The following SUMF1 variants were observed in gnomAD, a reference collection of about 807,000 sequenced individuals.
The protein encoded by SUMF1 is formylglycine-generating enzyme.
SUMF1 carries 48 observed loss-of-function variants against 47.6 expected under a neutral mutation model. That is an observed-to-expected ratio of 1.01 (90% CI 0.80 to 1.28). The LOEUF (loss-of-function observed/expected upper bound fraction) is 1.28. Ranked by LOEUF, SUMF1 falls within the 50% of genes most tolerant of loss-of-function variation. The probability of loss-of-function intolerance (pLI) is 0.00; values close to 1 mark genes in which losing one functional copy is unlikely to be tolerated. For synonymous variants in SUMF1, 230 were observed against 192.1 expected, an observed-to-expected ratio of 1.20 and a Z score of -1.63; for missense variants, 571 against 485.4, an observed-to-expected ratio of 1.18 and a Z score of -1.66.
At chr3:4,079,748 C>T (rs1315344532) in intron 8 of SUMF1, among the ~76,000 whole-genome samples, 1 of 149,954 alleles carries the variant, frequency 6.7e-6, no homozygotes, top group Non-Finnish European at 1.5e-5. Flanking sequence ...AGCAACTTGT[C>T]GTATCTGGCA....
At chr3:4,350,155 C>T (rs1699462683) in intron 8 of SUMF1, among the ~76,000 whole-genome samples, 1 of 151,860 alleles carries the variant, frequency 6.6e-6, no homozygotes, top group Admixed American at 6.6e-5. Context: ...CATGCACCAC[C>T]ACGCCAGGCT....
intron 8 of SUMF1, among the ~76,000 whole-genome samples, chr3:4,332,332 G>A (rs1389280988): frequency 3.3e-5 from 5 of 152,140 alleles, no homozygotes; most frequent in Admixed American, 6.5e-5. Flanking sequence ...TTGTCAGCTA[G>A]GCAACCCTAA....
At chr3:4,208,636 A>C (rs918199009) in intron 8 of SUMF1, among the ~76,000 whole-genome samples, 7 of 152,104 alleles carry the variant, frequency 4.6e-5, no homozygotes, top group African/African-American at 1.7e-4. Context: ...ATTCTAAGAA[A>C]GAACCAAAAG....
chr3:4,288,921 A>T (rs1697688518), intron 8 of SUMF1, among the ~76,000 whole-genome samples: 1 of 152,258 alleles, frequency 6.6e-6, no homozygotes, highest in South Asian at 2.1e-4. Context: ...CTTCCTTATT[A>T]TTTACTGTTT....
chr3:4,252,375 CACA>C (rs1301144302), intron 8 of SUMF1, among the ~76,000 whole-genome samples: 4 of 143,208 alleles, frequency 2.8e-5, no homozygotes, highest in East Asian at 1.9e-4. Flanking sequence ...CACACACACA[CACA>C]CCCCACTGGC....
chr3:4,096,716 A>T (rs1434100475), intron 8 of SUMF1, among the ~76,000 whole-genome samples: 9 of 151,752 alleles, frequency 5.9e-5, no homozygotes, highest in Admixed American at 5.9e-4. Flanking sequence ...AGCAAGAAAA[A>T]CTCTGGTGGT....
At chr3:4,431,793 G>C (rs1702241033) in intron 3 of SUMF1, among the ~76,000 whole-genome samples, 1 of 152,200 alleles carries the variant, frequency 6.6e-6, no homozygotes, top group Non-Finnish European at 1.5e-5. Flanking sequence ...GCTGGCAAAA[G>C]TGATTGAGAA....
chr3:4,391,373 C>A (rs1249061037), intron 7 of SUMF1, among the ~76,000 whole-genome samples: 1 of 152,118 alleles, frequency 6.6e-6, no homozygotes, highest in Non-Finnish European at 1.5e-5. Flanking sequence ...CCCTTTTGCT[C>A]CTCTCCATTT....
At chr3:4,345,355 C>A (rs1175545334) in intron 8 of SUMF1, among the ~76,000 whole-genome samples, 3 of 152,154 alleles carry the variant, frequency 2.0e-5, no homozygotes, top group African/African-American at 7.2e-5. Flanking sequence ...ACTCTACAAG[C>A]CAGAAGACAG....
rs7628892 is a variant in SUMF1, at chr3:4,148,603, C to A, written c.1015-79858G>T. On this transcript the variant is annotated intron_variant and NMD_transcript_variant, in intron 8 of 12. Coordinates refer to the SUMF1 transcript ENST00000448413. ...CAATAAATATTTTAGCCTTTGCAAGCCATGCACTCCTTCTTACTACAACTC... is the reference window on the plus strand; with the variant it reads ...CAATAAATATTTTAGCCTTTGCAAGACATGCACTCCTTCTTACTACAACTC... Among the ~76,000 whole-genome samples, 344 of 152,244 alleles carry A rather than the reference C, an allele frequency of 2.3e-3. 2 individuals carry two copies. Among genetic ancestry groups the A allele is most frequent in the African/African-American group, 7.7e-3 (320 of 41,522 alleles).
chr3:4,198,054 G>A (rs202199413), intron 8 of SUMF1, among the ~76,000 whole-genome samples: 2 of 68,808 alleles, frequency 2.9e-5, no homozygotes, highest in African/African-American at 8.9e-5. Flanking sequence ...TTCGGAAAGA[G>A]AGATTCTTAT....
intron 8 of SUMF1, among the ~76,000 whole-genome samples, chr3:4,106,793 A>G (rs1693169907): frequency 6.6e-6 from 1 of 152,108 alleles, no homozygotes; most frequent in Non-Finnish European, 1.5e-5. Context: ...TCAAACTTGC[A>G]TTAGAAACCC....
At chr3:4,265,531 C>G (rs1159909168) in intron 8 of SUMF1, among the ~76,000 whole-genome samples, 2 of 152,158 alleles carry the variant, frequency 1.3e-5, no homozygotes, top group Non-Finnish European at 2.9e-5. Context: ...TACCTAGCTA[C>G]CCCTCAAACT....
chr3:4,179,530 T>A (rs1475914404), intron 8 of SUMF1, among the ~76,000 whole-genome samples: 1 of 152,056 alleles, frequency 6.6e-6, no homozygotes, highest in African/African-American at 2.4e-5. Context: ...TATACAAAAA[T>A]TAATTCAAGA....
intron 7 of SUMF1, among the ~76,000 whole-genome samples, chr3:4,405,185 G>GTA (rs1701336760): frequency 6.6e-6 from 1 of 152,164 alleles, no homozygotes; most frequent in Admixed American, 6.5e-5. Flanking sequence ...TGGCAAAGAA[G>GTA]TATCTGAGTG....
chr3:4,250,475 G>A (rs539427507), intron 8 of SUMF1, among the ~76,000 whole-genome samples: 1 of 152,248 alleles, frequency 6.6e-6, no homozygotes, highest in South Asian at 2.1e-4. Context: ...CTATCCAGAA[G>A]ATATAGCCAA....
intron 3 of SUMF1, among the ~76,000 whole-genome samples, chr3:4,441,182 T>A (rs922199582): frequency 1.3e-5 from 2 of 152,140 alleles, no homozygotes; most frequent in African/African-American, 4.8e-5. Flanking sequence ...TCCTGTCAGA[T>A]CAGTAGCGGC....
At chr3:4,439,563 T>G (rs1702511593) in intron 3 of SUMF1, among the ~76,000 whole-genome samples, 1 of 152,074 alleles carries the variant, frequency 6.6e-6, no homozygotes, top group Non-Finnish European at 1.5e-5. Context: ...CAAAATCATT[T>G]GATAAATGGC....
At chr3:4,130,493 C>A (rs1693761798) in intron 8 of SUMF1, among the ~76,000 whole-genome samples, 2 of 152,186 alleles carry the variant, frequency 1.3e-5, no homozygotes, top group South Asian at 4.2e-4. Flanking sequence ...TGGACCATTA[C>A]ACTGATGACA....
Sources: gnomAD v4.1 joint callset for allele counts (sites outside exome capture counted in the v4.1 genomes callset) on GRCh38, gnomAD v4.1.1 for gene constraint, MANE v1.5 for transcripts, NCBI Gene and HGNC (gene_info 2026-07-23, HGNC 2026-07-21) for gene names.